Variants in OSBPL10 observed in about 807,000 individuals in gnomAD.
OSBPL10 encodes the protein oxysterol binding protein like 10, also known as oxysterol-binding protein-related protein 10.
A neutral mutation model predicts 81.7 loss-of-function variants in OSBPL10; 49 were observed. The observed-to-expected ratio is 0.60, with a 90% CI of 0.48 to 0.76. The LOEUF (loss-of-function observed/expected upper bound fraction) is 0.76, where lower values mean the gene tolerates loss of function less well. Ranked by LOEUF, OSBPL10 falls within the 30% of genes least tolerant of loss-of-function variation. The probability of loss-of-function intolerance (pLI) is 0.00; values close to 1 mark genes in which losing one functional copy is unlikely to be tolerated. For synonymous variants in OSBPL10, 419 were observed against 383.6 expected (o/e 1.09, Z -1.08); for missense variants, 923 against 987.8 (o/e 0.93, Z 0.88).
At chr3:31,769,708 T>C (rs1021572538) in intron 4 of OSBPL10, among the ~76,000 whole-genome samples, 4 of 151,944 alleles carry the variant, frequency 2.6e-5, no homozygotes, top group Non-Finnish European at 5.9e-5. Flanking sequence ...AGACGCCATA[T>C]AGGCTGTCAG....
intron 1 of OSBPL10, among the ~76,000 whole-genome samples, chr3:31,883,977 A>C (rs1695664708): frequency 6.6e-6 from 1 of 152,220 alleles, no homozygotes; most frequent in Non-Finnish European, 1.5e-5. Context: ...CGCTCCTACC[A>C]ACTTATCCAC....
intron 1 of OSBPL10, among the ~76,000 whole-genome samples, chr3:32,056,957 TA>T (rs769244288): frequency 1.4e-4 from 22 of 152,316 alleles, no homozygotes; most frequent in Non-Finnish European, 2.5e-4. Flanking sequence ...ACCAAGATAG[TA>T]ATGAAAGTGA....
At chr3:31,745,756 A>G (rs545650924) in intron 5 of OSBPL10, among the ~76,000 whole-genome samples, 6 of 152,332 alleles carry the variant, frequency 3.9e-5, no homozygotes, top group African/African-American at 1.4e-4. Context: ...CCTACTTTGT[A>G]AAGATTTCAG....
chr3:31,821,226 TTTG>T (rs899666554), intron 4 of OSBPL10, among the ~76,000 whole-genome samples: 11 of 152,038 alleles, frequency 7.2e-5, no homozygotes, highest in African/African-American at 2.7e-4. Context: ...GTGTTGGGCT[TTTG>T]TTGTTGTTCA....
chr3:31,695,393 A>G (rs1006932520), intron 7 of OSBPL10, among the ~76,000 whole-genome samples: 1 of 151,774 alleles, frequency 6.6e-6, no homozygotes, highest in African/African-American at 2.4e-5. Flanking sequence ...TGTCCCATTC[A>G]CCCCATCCAG....
In OSBPL10 at chr3:31,860,953, C is replaced by T. The variant is rs139914367; in HGVS notation, c.537+15480G>A. ...CTTAAAATCCTGACCTCAAGTGATC[C>T]GCCCACCTCAGCCTCCCAAAGTGCT... On this transcript the variant is annotated intron_variant, in intron 3 of 11. Coordinates refer to ENST00000396556, the MANE Select transcript of OSBPL10 (RefSeq NM_017784.5). Among the ~76,000 whole-genome samples the T allele has an allele frequency of 4.0e-3, 608 of 151,650 alleles. 2 individuals are homozygous for T. The highest frequency in any genetic ancestry group is 0.027 in the Middle Eastern group (8 of 294).
At chr3:31,964,450 C>T (rs1698255805) in intron 1 of OSBPL10, among the ~76,000 whole-genome samples, 1 of 152,024 alleles carries the variant, frequency 6.6e-6, no homozygotes, top group Admixed American at 6.5e-5. Context: ...AGCCATGGCA[C>T]CTGCCCTACC....
chr3:31,831,078 C>A (rs1700227938), intron 3 of OSBPL10, among the ~76,000 whole-genome samples: 1 of 152,148 alleles, frequency 6.6e-6, no homozygotes, highest in South Asian at 2.1e-4. Context: ...AAACACATAA[C>A]CATGGGCCTA....
chr3:32,027,394 G>T (rs951203690), intron 2 of OSBPL10, among the ~76,000 whole-genome samples: 5 of 152,244 alleles, frequency 3.3e-5, no homozygotes, highest in Non-Finnish European at 7.3e-5. Context: ...TAACTGAAGT[G>T]ATGGCACAGA....
intron 1 of OSBPL10, among the ~76,000 whole-genome samples, chr3:31,951,107 G>A (rs535338136): frequency 6.6e-6 from 1 of 152,232 alleles, no homozygotes; most frequent in East Asian, 1.9e-4. Flanking sequence ...CTTACACACA[G>A]CAGTAACACC....
chr3:31,980,947 T>G lies in OSBPL10; in HGVS notation c.233A>C (p.Glu78Ala), dbSNP rs766540906. The stretch of plus-strand genomic sequence containing the variant: ...GTTGGTGTATTTGCTGAGCACGCCC[T>G]CGAGCGCCGGCTCCCTCCTGCGGCC... ...GGGRRREPAL[E>A]GVLSKYTNLL... Residue 78 changes from glutamate to alanine, a missense_variant, in exon 1 of 12, where the codon GAG becomes GCG. Coordinates refer to ENST00000396556, the MANE Select transcript of OSBPL10 (RefSeq NM_017784.5). The G allele has an allele frequency of 1.3e-6, 2 of 1,578,638 alleles. No homozygotes were observed. The highest frequency in any genetic ancestry group is 2.3e-5 in the South Asian group (2 of 87,992).
intron 2 of OSBPL10, among the ~76,000 whole-genome samples, chr3:32,036,474 G>T (rs553371863): frequency 2.4e-4 from 37 of 152,218 alleles, no homozygotes; most frequent in Admixed American, 3.9e-4. Flanking sequence ...AAGCTCACAG[G>T]TTTTCCAATT....
At chr3:31,792,645 GAC>G (rs1057243868) in intron 4 of OSBPL10, among the ~76,000 whole-genome samples, 31 of 151,874 alleles carry the variant, frequency 2.0e-4, no homozygotes, top group Non-Finnish European at 4.4e-4. Context: ...CAGCTATCCA[GAC>G]ACACTGTGTG....
intron 2 of OSBPL10, among the ~76,000 whole-genome samples, chr3:32,036,245 G>A (rs528628744): frequency 5.3e-5 from 8 of 152,064 alleles, no homozygotes; most frequent in East Asian, 1.9e-4. Context: ...GATGGATCTC[G>A]CTATGTTGCC....
intron 3 of OSBPL10, among the ~76,000 whole-genome samples, chr3:31,867,775 G>A (rs1288442756): frequency 6.9e-6 from 1 of 144,044 alleles, no homozygotes; most frequent in Non-Finnish European, 1.5e-5. Context: ...GGGAGGGAGG[G>A]AGGGAGGGAG....
At chr3:31,671,020 CAT>C (rs765710431) in intron 8 of OSBPL10, 37 bp from the exon 9 acceptor site, 12 of 1,555,924 alleles carry the variant, frequency 7.7e-6, no homozygotes, top group South Asian at 4.7e-5. Context: ...GGCATGCAAA[CAT>C]GTGAAGAGGG....
At chr3:31,773,838 T>G (rs551934072) in intron 4 of OSBPL10, among the ~76,000 whole-genome samples, 1 of 152,318 alleles carries the variant, frequency 6.6e-6, no homozygotes, top group South Asian at 2.1e-4. Context: ...TTTTCTCTCA[T>G]GTAATTAGCA....
At chr3:31,941,446 C>T (rs1233326713) in intron 1 of OSBPL10, among the ~76,000 whole-genome samples, 2 of 152,132 alleles carry the variant, frequency 1.3e-5, no homozygotes, top group African/African-American at 4.8e-5. Flanking sequence ...CAAGAGTTAG[C>T]CCAACAAATC....
intron 1 of OSBPL10, among the ~76,000 whole-genome samples, chr3:31,904,550 C>T (rs983515796): frequency 6.6e-6 from 1 of 152,134 alleles, no homozygotes; most frequent in Non-Finnish European, 1.5e-5. Context: ...ACTGTTCCTC[C>T]AACACATGCT....
Sources: gnomAD v4.1 joint callset for allele counts (sites outside exome capture counted in the v4.1 genomes callset) on GRCh38, gnomAD v4.1.1 for gene constraint, MANE v1.5 for transcripts, NCBI Gene and HGNC (gene_info 2026-07-23, HGNC 2026-07-21) for gene names.